The following SLC25A4 variants were observed in gnomAD, a reference collection of about 807,000 sequenced individuals.
The protein encoded by SLC25A4 is ADP/ATP translocase 1.
SLC25A4 carries 10 observed loss-of-function variants against 24.7 expected under a neutral mutation model. The observed-to-expected ratio is 0.41, with a 90% CI of 0.25 to 0.69. The LOEUF (loss-of-function observed/expected upper bound fraction) is 0.69, where lower values mean the gene tolerates loss of function less well. Ranked by LOEUF, SLC25A4 falls within the 30% of genes least tolerant of loss-of-function variation. The probability of loss-of-function intolerance (pLI) is 0.35; values close to 1 mark genes in which losing one functional copy is unlikely to be tolerated. For synonymous variants in SLC25A4, 125 were observed against 153.3 expected (o/e 0.82, Z 1.36); for missense variants, 273 against 387.6 (o/e 0.70, Z 2.48).
Position 185,143,332 on chromosome 4 carries a change from C to G in SLC25A4, c.-41C>G. On this transcript the variant is annotated 5_prime_UTR_variant, in exon 1 of 4. Transcript: ENST00000281456. ...GCCAGGCCGGGCGTGGGCGAGAGCA[C>G]GAACGGGCTGCCTGCGGGCTGAGAG... 1 of 1,282,030 alleles carries G rather than the reference C, an allele frequency of 7.8e-7. No individual in the cohort carries two copies. The highest frequency in any genetic ancestry group is 2.8e-5 in the East Asian group (1 of 36,078). The allele number at this position is 1,282,030 out of a possible 1,614,324, so 79.4% of individuals were successfully genotyped here.
intron 3 of SLC25A4, 42 bp from the exon 4 acceptor site, chr4:185,146,772 C>T (rs770597339): frequency 1.2e-6 from 2 of 1,611,448 alleles, no homozygotes; most frequent in Non-Finnish European, 1.7e-6. Flanking sequence ...AAGTCTCTTT[C>T]CTCCAGCGTT....
rs2111290608 is a variant in SLC25A4 at position 185,149,932 on chromosome 4, A to AAAAC, written c.*2964_*2967dup. Reference sequence around the variant, plus strand: ...CCATAATGGTAATAATTGGACACTAAAAACAATGAAAACTTGTCTCAAGTA... The same window carrying AAAAC: ...CCATAATGGTAATAATTGGACACTAAAAACAAACAATGAAAACTTGTCTCAAGTA... On this transcript the variant is annotated 3_prime_UTR_variant, in exon 4 of 4. Transcript: ENST00000281456. The AAAAC allele has an allele frequency of 6.6e-6, 1 of 152,392 alleles. No homozygotes were observed. Among genetic ancestry groups the AAAAC allele is most frequent in the South Asian group, 2.1e-4 (1 of 4,832 alleles). 9.4% of individuals were successfully genotyped at this position (152,392 alleles called of 1,614,324 possible). A position where few individuals can be genotyped will look rare whatever the true frequency, so the allele number is the denominator to read the frequency against.
At position 185,145,910 on chromosome 4, in the gene SLC25A4, G is replaced by T. The variant is rs1188031467; in HGVS notation, c.739+11G>T. 6.2e-7 allele frequency: 1 copy of T among 1,614,054 alleles called. No individual in the cohort carries two copies. Among genetic ancestry groups the T allele is most frequent in the Admixed American group, 1.7e-5 (1 of 60,006 alleles). Reference sequence around the variant, plus strand: ...CCGGCCGGAAAGGGGGTAAGCTTGTGCTCTACTCATCTAAACTTGTTTGGT... The same window carrying T: ...CCGGCCGGAAAGGGGGTAAGCTTGTTCTCTACTCATCTAAACTTGTTTGGT... On this transcript the variant is annotated intron_variant, in intron 3 of 3. Transcript: ENST00000281456. This position sits in a 1 kb window ranked among gnomAD's most constrained non-coding sequence, Gnocchi z 5.5.
chr4:185,143,482 A>T lies in SLC25A4; in HGVS notation c.110A>T (p.Gln37Leu). Reference sequence around the variant, plus strand: ...ATCGAGAGGGTCAAACTGCTGCTGCAGGTGAGGACCGCGCGGTGCAAGAGG... The same window carrying T: ...ATCGAGAGGGTCAAACTGCTGCTGCTGGTGAGGACCGCGCGGTGCAAGAGG... The part of the protein sequence containing the change: ...APIERVKLLL[Q>L]VQHASKQISA... The change falls in exon 1 of 4, where the codon CAG becomes CTG. Residue 37 changes from glutamine to leucine, a missense_variant and splice_region_variant. Transcript: ENST00000281456. 2 of 1,442,928 alleles carry T rather than the reference A, an allele frequency of 1.4e-6. No individual in the cohort carries two copies. Among genetic ancestry groups the T allele is most frequent in the Non-Finnish European group, 1.8e-6 (2 of 1,084,442 alleles). The allele number at this position is 1,442,928 out of a possible 1,614,324, so 89.4% of individuals were successfully genotyped here.
Position 185,145,396 on chromosome 4 carries a change from C to A in SLC25A4, c.598+146C>A. ...GGCTTCTGAATGAGGAGGTGATGTG[C>A]ATAAGTTAATAGCTGAAGCGTTCCT... On this transcript the variant is annotated intron_variant, in intron 2 of 3. Transcript: ENST00000281456. The surrounding 1 kb of genome is among the most constrained non-coding windows in gnomAD (Gnocchi z 5.5). 1 of 1,241,352 alleles carries A rather than the reference C, an allele frequency of 8.1e-7. No homozygotes were observed. Among genetic ancestry groups the A allele is most frequent in the Non-Finnish European group, 1.1e-6 (1 of 880,078 alleles). 76.9% of individuals were successfully genotyped at this position (1,241,352 alleles called of 1,614,324 possible).
rs1734457419 is a variant in SLC25A4, at chr4:185,147,206, T to A, written c.*235T>A. 2 of 481,292 alleles carry A rather than the reference T, an allele frequency of 4.2e-6. No homozygotes were observed. Among genetic ancestry groups the A allele is most frequent in the Non-Finnish European group, 7.4e-6 (2 of 269,462 alleles). The allele number at this position is 481,292 out of a possible 1,614,324, so 29.8% of individuals were successfully genotyped here. ...GCAAATAGAAAATAATTTATCATAC[T>A]TGTACAATTAACTGAAGAATTGATA... On this transcript the variant is annotated 3_prime_UTR_variant, in exon 4 of 4. Transcript: ENST00000281456.
At chr4:185,146,341 A>G (rs940409355) in intron 3 of SLC25A4, among the ~76,000 whole-genome samples, 2 of 152,200 alleles carry the variant, frequency 1.3e-5, no homozygotes, top group Non-Finnish European at 2.9e-5. Flanking sequence ...TTTGGCTTCT[A>G]TAGGTTGAAC....
rs748899339 is a variant in SLC25A4 at position 185,145,186 on chromosome 4, C to T, written c.534C>T (p.Asn178=). The T allele has an allele frequency of 1.9e-6, 3 of 1,614,046 alleles. No individual in the cohort carries two copies. Among genetic ancestry groups the T allele is most frequent in the East Asian group, 4.5e-5 (2 of 44,876 alleles). ...TGAGGGGGCTCTACCAGGGTTTCAACGTCTCTGTCCAAGGCATCATTATCT... is the reference window on the plus strand; with the variant it reads ...TGAGGGGGCTCTACCAGGGTTTCAATGTCTCTGTCCAAGGCATCATTATCT... The part of the protein sequence containing the change: ...DGLRGLYQGF[N]VSVQGIIIYR... The change falls in exon 2 of 4, where the codon AAC becomes AAT. Residue 178 remains asparagine, a synonymous_variant. Coordinates refer to ENST00000281456, the MANE Select transcript of SLC25A4 (RefSeq NM_001151.4). The surrounding 1 kb of genome is among the most constrained non-coding windows in gnomAD (Gnocchi z 5.5).
In SLC25A4 at chr4:185,149,358, G is replaced by A. The variant is rs978476842; in HGVS notation, c.*2387G>A. On this transcript the variant is annotated 3_prime_UTR_variant, in exon 4 of 4. Transcript: ENST00000281456. ...CGTCTTTAACCCTGGCATGGAATGG[G>A]GAGGGAAGAGGCATGGACATTTATT... is the stretch of plus-strand genomic sequence containing the variant. 3 of 152,224 alleles carry A rather than the reference G, an allele frequency of 2.0e-5. No homozygotes were observed. The highest frequency in any genetic ancestry group is 7.2e-5 in the African/African-American group (3 of 41,446). 9.4% of individuals were successfully genotyped at this position (152,224 alleles called of 1,614,324 possible).
chr4:185,145,032 C>G lies in SLC25A4; in HGVS notation c.380C>G (p.Ser127Cys). ...LASGGAAGAT[S>C]LCFVYPLDFA... ...TCCGGTGGGGCCGCTGGGGCCACCT[C>G]CCTTTGCTTTGTCTACCCGCTGGAC... The change falls in exon 2 of 4, where the codon TCC becomes TGC. Residue 127 changes from serine to cysteine, a missense_variant. Ser to Cys is a moderately radical substitution (Grantham distance 112). Coordinates refer to ENST00000281456, the MANE Select transcript of SLC25A4 (RefSeq NM_001151.4). The surrounding 1 kb of genome is among the most constrained non-coding windows in gnomAD (Gnocchi z 5.5). The G allele has an allele frequency of 6.2e-7, 1 of 1,614,104 alleles. No individual in the cohort carries two copies. Among genetic ancestry groups the G allele is most frequent in the Non-Finnish European group, 8.5e-7 (1 of 1,180,010 alleles).
intron 3 of SLC25A4, among the ~76,000 whole-genome samples, chr4:185,146,493 A>G (rs757334413): frequency 3.3e-5 from 5 of 152,244 alleles, no homozygotes; most frequent in African/African-American, 4.8e-5. Context: ...TCGGTCCTCC[A>G]TAAAAAAAGG....
Position 185,145,714 on chromosome 4 carries a change from G to GA in SLC25A4, c.599-43dup. The GA allele has an allele frequency of 2.5e-6, 4 of 1,612,606 alleles. No homozygotes were observed. The highest frequency in any genetic ancestry group is 3.4e-6 in the Non-Finnish European group (4 of 1,178,762). ...TCTCCCTCCACCTGCTTTCTGCTGA[G>GA]AACAGGCACTTCATAGCCGTTCGGC... On this transcript the variant is annotated intron_variant, in intron 2 of 3. Coordinates refer to ENST00000281456, the MANE Select transcript of SLC25A4 (RefSeq NM_001151.4). The surrounding 1 kb of genome is among the most constrained non-coding windows in gnomAD (Gnocchi z 5.5).
At position 185,149,100 on chromosome 4, in the gene SLC25A4, C is replaced by T. The variant is rs1234828734; in HGVS notation, c.*2129C>T. 1 of 152,304 alleles carries T rather than the reference C, an allele frequency of 6.6e-6. No individual in the cohort carries two copies. The highest frequency in any genetic ancestry group is 1.5e-5 in the Non-Finnish European group (1 of 68,108). The allele number at this position is 152,304 out of a possible 1,614,324, so 9.4% of individuals were successfully genotyped here. On this transcript the variant is annotated 3_prime_UTR_variant, in exon 4 of 4. Coordinates refer to ENST00000281456, the MANE Select transcript of SLC25A4 (RefSeq NM_001151.4). ...TCCATCCTGTCTCCTCGAGGCCAGG[C>T]AGCACATGTGCAGTTAAGAGGCCTC...
At chr4:185,144,662 TCAAAA>T in intron 1 of SLC25A4, 97 bp from the exon 2 acceptor site, 1 of 1,087,972 alleles carries the variant, frequency 9.2e-7, no homozygotes, top group Admixed American at 1.9e-5. Context: ...CTTTTTTTCT[TCAAAA>T]AAAAAATCTA....
rs892555270 is a variant in SLC25A4 at position 185,149,896 on chromosome 4, G to C, written c.*2925G>C. On this transcript the variant is annotated 3_prime_UTR_variant, in exon 4 of 4. Transcript: ENST00000281456. Reference sequence around the variant, plus strand: ...AGAAAAATTATGGAGGATGATGCAAGATGAGTGAGTCCATAATGGTAATAA... The same window carrying C: ...AGAAAAATTATGGAGGATGATGCAACATGAGTGAGTCCATAATGGTAATAA... The C allele has an allele frequency of 6.6e-6, 1 of 152,172 alleles. No homozygotes were observed. The highest frequency in any genetic ancestry group is 2.4e-5 in the African/African-American group (1 of 41,432). The allele number at this position is 152,172 out of a possible 1,614,324, so 9.4% of individuals were successfully genotyped here. A position where few individuals can be genotyped will look rare whatever the true frequency, so the allele number is the denominator to read the frequency against.
In SLC25A4 at chr4:185,148,087, T is replaced by C. The variant is rs149652815; in HGVS notation, c.*1116T>C. ...AACAGAAACTTATTTCTCAGTTCTG[T>C]AGTCTGGAGGTCCAAGATCAAGGTG... On this transcript the variant is annotated 3_prime_UTR_variant, in exon 4 of 4. Transcript: ENST00000281456. The C allele has an allele frequency of 2.6e-5, 4 of 152,298 alleles. No homozygotes were observed. The highest frequency in any genetic ancestry group is 9.6e-5 in the African/African-American group (4 of 41,566). The allele number at this position is 152,298 out of a possible 1,614,324, so 9.4% of individuals were successfully genotyped here.
chr4:185,144,883 C>T lies in SLC25A4; in HGVS notation c.231C>T (p.Asn77=). ...FLSFWRGNLA[N]VIRYFPTQAL... ...CCTTCTGGAGGGGTAACCTGGCCAA[C>T]GTGATCCGTTACTTCCCCACCCAAG... The change falls in exon 2 of 4, where the codon AAC becomes AAT. Residue 77 remains asparagine, a synonymous_variant. Transcript: ENST00000281456. 1.2e-6 allele frequency: 2 copies of T among 1,614,192 alleles called. No individual in the cohort carries two copies. The highest frequency in any genetic ancestry group is 1.6e-4 in the Middle Eastern group (1 of 6,062).
At position 185,147,943 on chromosome 4, in the gene SLC25A4, C is replaced by T. The variant is rs1365728043; in HGVS notation, c.*972C>T. The T allele has an allele frequency of 6.6e-6, 1 of 151,256 alleles. No homozygotes were observed. Among genetic ancestry groups the T allele is most frequent in the Non-Finnish European group, 1.5e-5 (1 of 67,914 alleles). The allele number at this position is 151,256 out of a possible 1,614,324, so 9.4% of individuals were successfully genotyped here. ...TGCAGTGAGCTGAGATGGCATGCCA[C>T]CACATCCATCCTAAGCGACAGGGCA... On this transcript the variant is annotated 3_prime_UTR_variant, in exon 4 of 4. Transcript: ENST00000281456.
In SLC25A4 at chr4:185,149,372, T is replaced by C. The variant is rs1734498040; in HGVS notation, c.*2401T>C. The C allele has an allele frequency of 6.6e-6, 1 of 152,260 alleles. No individual in the cohort carries two copies. The highest frequency in any genetic ancestry group is 2.1e-4 in the South Asian group (1 of 4,834). 9.4% of individuals were successfully genotyped at this position (152,260 alleles called of 1,614,324 possible). A position where few individuals can be genotyped will look rare whatever the true frequency, so the allele number is the denominator to read the frequency against. ...GCATGGAATGGGGAGGGAAGAGGCA[T>C]GGACATTTATTACATAGTGCACATT... On this transcript the variant is annotated 3_prime_UTR_variant, in exon 4 of 4. Coordinates refer to ENST00000281456, the MANE Select transcript of SLC25A4 (RefSeq NM_001151.4).
Sources: gnomAD v4.1 joint callset for allele counts (sites outside exome capture counted in the v4.1 genomes callset) on GRCh38, gnomAD v4.1.1 for gene constraint, Gnocchi (gnomAD v3.1) non-coding constraint, MANE v1.5 for transcripts, NCBI Gene and HGNC (gene_info 2026-07-23, HGNC 2026-07-21) for gene names.